The following HDAC4 variants were observed in gnomAD, a reference collection of about 807,000 sequenced individuals.
HDAC4 encodes the protein histone deacetylase 4, also known as histone deacetylase A.
A neutral mutation model predicts 135.1 loss-of-function variants in HDAC4; 16 were observed. The ratio of observed to expected loss-of-function variants is 0.12; its 90% CI spans 0.08 to 0.18. The LOEUF (loss-of-function observed/expected upper bound fraction) is 0.18. Ranked by LOEUF, HDAC4 falls within the 10% of genes least tolerant of loss-of-function variation. HDAC4 has a pLI of 1.00. For synonymous variants in HDAC4, 685 were observed against 653.4 expected (o/e 1.05, Z -0.74); for missense variants, 1,143 against 1,511.8 (o/e 0.76, Z 4.05).
chr2:239,083,061 C>T (rs2035511042), intron 20 of HDAC4, among the ~76,000 whole-genome samples: 1 of 152,248 alleles, frequency 6.6e-6, no homozygotes, highest in Admixed American at 6.5e-5. Context: ...ACCTTCCACC[C>T]CACAGAGTAG....
intron 2 of HDAC4, among the ~76,000 whole-genome samples, chr2:239,236,997 T>C (rs1328121927): frequency 3.3e-5 from 5 of 151,974 alleles, no homozygotes; most frequent in Non-Finnish European, 7.4e-5. Context: ...AGCATTAAGA[T>C]AACAAAAAGA....
chr2:239,222,013 C>A (rs746704202), intron 3 of HDAC4, among the ~76,000 whole-genome samples: 58 of 152,206 alleles, frequency 3.8e-4, no homozygotes, highest in Non-Finnish European at 7.8e-4. Flanking sequence ...TCCTTCCTTG[C>A]CAGCATTAAA....
intron 9 of HDAC4, among the ~76,000 whole-genome samples, chr2:239,135,677 G>A (rs1430470806): frequency 6.6e-6 from 1 of 152,180 alleles, no homozygotes; most frequent in Non-Finnish European, 1.5e-5. Context: ...TAAGAAATAA[G>A]GAGATGGCCT....
chr2:239,220,819 T>G (rs1319993954), intron 3 of HDAC4, among the ~76,000 whole-genome samples: 2 of 152,216 alleles, frequency 1.3e-5, no homozygotes, highest in Non-Finnish European at 2.9e-5. Context: ...CACACTAATA[T>G]TGTGAATTTA....
intron 1 of HDAC4, among the ~76,000 whole-genome samples, chr2:239,362,516 G>A (rs539343446): frequency 2.6e-5 from 4 of 152,098 alleles, no homozygotes; most frequent in Non-Finnish European, 5.9e-5. Flanking sequence ...GTGTGGGGAG[G>A]GCCAGTTTTG....
chr2:239,220,378 A>C (rs1167449122), intron 3 of HDAC4, among the ~76,000 whole-genome samples: 2 of 152,256 alleles, frequency 1.3e-5, no homozygotes, highest in Non-Finnish European at 1.5e-5. Context: ...TAAAAACATT[A>C]GACTCAAAAA....
At chr2:239,396,242 C>G (rs1409895588) in intron 1 of HDAC4, among the ~76,000 whole-genome samples, 1 of 151,116 alleles carries the variant, frequency 6.6e-6, no homozygotes, top group African/African-American at 2.4e-5. Context: ...TCCCAAAGTT[C>G]TGGGATTACA....
At chr2:239,376,697 A>C (rs1476672924) in intron 1 of HDAC4, among the ~76,000 whole-genome samples, 1 of 152,082 alleles carries the variant, frequency 6.6e-6, no homozygotes, top group African/African-American at 2.4e-5. Context: ...TGTGTTCCTG[A>C]ATACAGCCTG....
At chr2:239,290,581 GCACACACA>G (rs59261643) in intron 2 of HDAC4, among the ~76,000 whole-genome samples, 3 of 150,646 alleles carry the variant, frequency 2.0e-5, no homozygotes, top group Middle Eastern at 6.4e-3. Context: ...ATGGGAGTAG[GCACACACA>G]CACACACACA....
intron 11 of HDAC4, among the ~76,000 whole-genome samples, chr2:239,129,937 T>A (rs1055901556): frequency 6.6e-6 from 1 of 152,188 alleles, no homozygotes; most frequent in Non-Finnish European, 1.5e-5. Flanking sequence ...AAAGACTGGA[T>A]TGCTCTCAAG....
intron 2 of HDAC4, among the ~76,000 whole-genome samples, chr2:239,301,589 T>C (rs2052276129): frequency 6.6e-6 from 1 of 151,652 alleles, no homozygotes; most frequent in Admixed American, 6.6e-5. Context: ...CGAAGGATCC[T>C]CCCACCTCAG....
intron 12 of HDAC4, among the ~76,000 whole-genome samples, chr2:239,122,532 C>A (rs1177121040): frequency 6.6e-6 from 1 of 152,206 alleles, no homozygotes; most frequent in Non-Finnish European, 1.5e-5. Flanking sequence ...AACACCACTG[C>A]ATACAAGGCA....
intron 17 of HDAC4, chr2:239,091,020 C>T (rs1052590051): frequency 4.7e-4 from 71 of 152,282 alleles, no homozygotes; most frequent in African/African-American, 1.5e-3. Context: ...GCCCTAGTGA[C>T]GGTACACGGC....
intron 1 of HDAC4, among the ~76,000 whole-genome samples, chr2:239,397,302 C>CCA (rs1696626767): frequency 6.6e-6 from 1 of 152,154 alleles, no homozygotes; most frequent in South Asian, 2.1e-4. Context: ...GAGGTAGAGC[C>CCA]CACCTGCAGG....
At position 239,190,159 on chromosome 2, in the gene HDAC4, G is replaced by A. The variant is rs1344025111; in HGVS notation, c.95-82C>T. On this transcript the variant is annotated intron_variant, in intron 3 of 26. Coordinates refer to ENST00000543185, the MANE Select transcript of HDAC4 (RefSeq NM_001378414.1). ...CCCAGAGCCCCCACCCAACACACTG[G>A]CCACCTTCACGGGGCGGGGGGGGGG... 5 of 1,389,034 alleles carry A rather than the reference G, an allele frequency of 3.6e-6. No homozygotes were observed. In the African/African-American group the frequency reaches 6.7e-5, roughly 19 times the overall value. 86.0% of individuals were successfully genotyped at this position (1,389,034 alleles called of 1,614,324 possible). A position where few individuals can be genotyped will look rare whatever the true frequency, so the allele number is the denominator to read the frequency against.
intron 1 of HDAC4, among the ~76,000 whole-genome samples, chr2:239,391,164 C>G (rs928074561): frequency 3.3e-5 from 5 of 152,210 alleles, no homozygotes; most frequent in African/African-American, 9.6e-5. Flanking sequence ...GCTCTGCATA[C>G]CGGGTAGGGA....
chr2:239,354,859 C>G (rs1008401266), intron 1 of HDAC4, among the ~76,000 whole-genome samples: 4 of 151,894 alleles, frequency 2.6e-5, no homozygotes, highest in Non-Finnish European at 5.9e-5. Context: ...TTTTTCAAAC[C>G]CTCACAAATC....
At chr2:239,142,988 G>C (rs896075069) in intron 8 of HDAC4, among the ~76,000 whole-genome samples, 1 of 151,694 alleles carries the variant, frequency 6.6e-6, no homozygotes, top group Non-Finnish European at 1.5e-5. Flanking sequence ...GCTCAGCACT[G>C]ATCAGGCCCT....
intron 7 of HDAC4, among the ~76,000 whole-genome samples, chr2:239,153,833 G>A (rs1448216638): frequency 6.6e-6 from 1 of 152,232 alleles, no homozygotes; most frequent in Non-Finnish European, 1.5e-5. Flanking sequence ...AAGGCAGCAT[G>A]GGAAGCCAAC....
Sources: allele counts gnomAD v4.1 joint callset (sites outside exome capture counted in the v4.1 genomes callset), GRCh38; gene constraint gnomAD v4.1.1; transcripts MANE v1.5; gene names NCBI Gene and HGNC (gene_info 2026-07-23, HGNC 2026-07-21).